The following COL4A2 variants were observed in gnomAD, a reference collection of about 807,000 sequenced individuals.
COL4A2 encodes the protein collagen type IV alpha 2 chain.
A neutral mutation model predicts 200.2 loss-of-function variants in COL4A2; 99 were observed. That is an observed-to-expected ratio of 0.49 (90% confidence interval 0.42 to 0.58). The LOEUF (loss-of-function observed/expected upper bound fraction) is 0.58, where lower values mean the gene tolerates loss of function less well. Among genes scored for constraint, COL4A2 ranks in the 20% least tolerant of loss-of-function variants. The pLI, the probability that COL4A2 is intolerant of heterozygous loss-of-function variation, is 0.00. For synonymous variants in COL4A2, 897 were observed against 900.6 expected (o/e 1.00, Z 0.07); for missense variants, 1,950 against 2,314.1 (o/e 0.84, Z 3.23).
chr13:110,381,273 T>C (rs955574433), intron 4 of COL4A2, among the ~76,000 whole-genome samples: 3 of 151,726 alleles, frequency 2.0e-5, no homozygotes, highest in African/African-American at 7.3e-5. Context: ...CCACGGACTC[T>C]ATCTCACGCC....
Position 110,478,032 on chromosome 13 carries a change from C to A in COL4A2, c.2455C>A (p.Leu819Met). Residue 819 changes from leucine to methionine, a missense_variant, in exon 30 of 48, where the codon CTG (leucine) becomes ATG (methionine). Leu to Met is a conservative substitution (Grantham distance 15). This residue lies in a region of COL4A2 where 1,385 missense variants were observed against 1,720.5 expected (regional missense o/e 0.80). Transcript: ENST00000360467. ...CCAAGGGATGCCTGGGATGCCAGGG[C>A]TGAAGGGCCAGCCAGGCCTCCCAGG... Reference protein sequence around the residue: ...GSQGMPGMPGLKGQPGLPGPS... With the variant: ...GSQGMPGMPGMKGQPGLPGPS... 1 of 1,587,122 alleles carries A rather than the reference C, an allele frequency of 6.3e-7. No individual in the cohort carries two copies. Among genetic ancestry groups the A allele is most frequent in the East Asian group, 2.3e-5 (1 of 43,998 alleles).
At chr13:110,326,789 GC>G in intron 3 of COL4A2, among the ~76,000 whole-genome samples, 1 of 152,246 alleles carries the variant, frequency 6.6e-6, no homozygotes, top group African/African-American at 2.4e-5. Context: ...GGTCAACCTG[GC>G]CCTCTGCTCG....
chr13:110,503,433 G>T lies in COL4A2; in HGVS notation c.4090G>T (p.Val1364Leu), dbSNP rs758319138. 33 of 1,588,270 alleles carry T rather than the reference G, an allele frequency of 2.1e-5. No individual in the cohort carries two copies. The highest frequency in any genetic ancestry group is 2.6e-5 in the Non-Finnish European group (30 of 1,166,758). ...FMGNTGPTGA[V>L]GDRGPKGPKG... ...GGGGAACACTGGACCCACTGGGGCG[G>T]TGGGCGACAGAGGCCCCAAGGGACC... The change falls in exon 43 of 48, where the codon GTG becomes TTG. Residue 1364 changes from valine to leucine, a missense_variant. Around this residue, in one of 2 missense-constraint regions of COL4A2, gnomAD observed 1,385 missense variants for 1,720.5 expected, o/e 0.80. Transcript: ENST00000360467.
intron 4 of COL4A2, among the ~76,000 whole-genome samples, chr13:110,398,804 G>C (rs1467689011): frequency 6.6e-6 from 1 of 152,154 alleles, no homozygotes; most frequent in Non-Finnish European, 1.5e-5. Context: ...CCCAGAGGCA[G>C]GGTGGAGTTG....
rs114401249 is a variant in COL4A2, at chr13:110,352,885, G to A, written c.100-4587G>A. Among the ~76,000 whole-genome samples the A allele has an allele frequency of 7.0e-3, 1,071 of 152,256 alleles. 9 individuals carry two copies. Among genetic ancestry groups the A allele is most frequent in the African/African-American group, 0.022 (917 of 41,540 alleles). On this transcript the variant is annotated intron_variant, in intron 3 of 47. Transcript: ENST00000360467. Reference sequence around the variant, plus strand: ...GACAACCACAGGAGTTTGGCCAGCCGGGCTGAACGGCTACAGCACGCCCCA... The same window carrying A: ...GACAACCACAGGAGTTTGGCCAGCCAGGCTGAACGGCTACAGCACGCCCCA...
intron 3 of COL4A2, among the ~76,000 whole-genome samples, chr13:110,337,523 C>CA (rs1423712653): frequency 6.6e-6 from 1 of 152,216 alleles, no homozygotes; most frequent in Non-Finnish European, 1.5e-5. Flanking sequence ...GGACCAGCGT[C>CA]AGAGGGCGGA....
intron 4 of COL4A2, among the ~76,000 whole-genome samples, chr13:110,358,076 C>A (rs889034756): frequency 1.3e-5 from 2 of 152,194 alleles, no homozygotes; most frequent in Admixed American, 1.3e-4. Flanking sequence ...ACTTTATAAA[C>A]TGTTAAACTT....
intron 22 of COL4A2, chr13:110,459,702 A>C (rs1193044571): frequency 6.6e-6 from 1 of 152,228 alleles, no homozygotes; most frequent in African/African-American, 2.4e-5. Flanking sequence ...ACTGAATTTT[A>C]TGCTTTAAAA....
At chr13:110,451,960 G>A (rs1176635301) in intron 20 of COL4A2, among the ~76,000 whole-genome samples, 1 of 152,226 alleles carries the variant, frequency 6.6e-6, no homozygotes, top group Admixed American at 6.5e-5. Flanking sequence ...TCTGTGTGAC[G>A]TTGACCAAAA....
intron 4 of COL4A2, among the ~76,000 whole-genome samples, chr13:110,407,475 A>G (rs1879615420): frequency 6.6e-6 from 1 of 152,246 alleles, no homozygotes. Context: ...CACACGCAGC[A>G]CCAGGAGGCC....
intron 12 of COL4A2, 33 bp downstream of exon 12, chr13:110,434,475 A>C: frequency 6.2e-7 from 1 of 1,604,448 alleles, no homozygotes; most frequent in Non-Finnish European, 8.5e-7. Context: ...CAGCAGAGGC[A>C]TGCAGCATTT....
At chr13:110,495,172 A>G (rs1176339366) in intron 39 of COL4A2, among the ~76,000 whole-genome samples, 170 bp from the exon 40 acceptor site, 3 of 152,198 alleles carry the variant, frequency 2.0e-5, no homozygotes, top group Non-Finnish European at 4.4e-5. Flanking sequence ...GATCCCTTCC[A>G]AATCTCAGCT....
At position 110,438,027 on chromosome 13, in the gene COL4A2, C is replaced by A; in HGVS notation, c.851C>A (p.Pro284Gln). The A allele has an allele frequency of 6.2e-7, 1 of 1,613,302 alleles. No homozygotes were observed. The highest frequency in any genetic ancestry group is 8.5e-7 in the Non-Finnish European group (1 of 1,179,458). The change falls in exon 14 of 48, where the codon CCA (proline) becomes CAA (glutamine). Residue 284 changes from proline to glutamine, a missense_variant. Physicochemically the swap from Pro to Gln is moderately conservative, Grantham distance 76. Around this residue, in one of 2 missense-constraint regions of COL4A2, gnomAD observed 565 missense variants for 593.5 expected, o/e 0.95. Transcript: ENST00000360467. ...GGTGAAAAAGGCAGTGAGGGGGAAC[C>A]AGGAATAAGAGTAAGTCGAGTAATG... ...YKGEKGSEGE[P>Q]GIRGISLKGE...
chr13:110,477,921 G>A (rs1882756929), intron 29 of COL4A2, 82 bp from the exon 30 acceptor site: 2 of 1,282,512 alleles, frequency 1.6e-6, no homozygotes, highest in Non-Finnish European at 2.0e-6. Flanking sequence ...TCTTTTTACA[G>A]AATGAGTGTG....
rs535015379 is a variant in COL4A2 at position 110,434,977 on chromosome 13, C to G, written c.726+535C>G. On this transcript the variant is annotated intron_variant, in intron 12 of 47. Coordinates refer to ENST00000360467, the MANE Select transcript of COL4A2 (RefSeq NM_001846.4). The stretch of plus-strand genomic sequence containing the variant: ...GCATGACAGGCTTAACGCAGCGCCA[C>G]ACCCCGCAAGCAAAACCTCACCAAC... 4.6e-5 allele frequency among the ~76,000 whole-genome samples: 7 copies of G among 152,356 alleles called. No individual in the cohort carries two copies. The South Asian group carries it at 1.5e-3, about 32-fold the overall frequency.
intron 3 of COL4A2, among the ~76,000 whole-genome samples, chr13:110,339,055 A>G (rs1221442834): frequency 1.3e-5 from 2 of 152,180 alleles, no homozygotes; most frequent in East Asian, 3.8e-4. Flanking sequence ...GACCTTCCCT[A>G]ACATCATTTC....
At chr13:110,316,107 T>G (rs1247280679) in intron 3 of COL4A2, among the ~76,000 whole-genome samples, 3 of 152,220 alleles carry the variant, frequency 2.0e-5, no homozygotes, top group African/African-American at 7.2e-5. Flanking sequence ...AGAATTCCTG[T>G]TTTGTTGCTT....
chr13:110,452,840 G>A (rs1881593536), intron 20 of COL4A2, among the ~76,000 whole-genome samples: 1 of 152,060 alleles, frequency 6.6e-6, no homozygotes, highest in Non-Finnish European at 1.5e-5. Flanking sequence ...TCTGCTCACT[G>A]CAACCTCCAC....
intron 3 of COL4A2, chr13:110,328,557 G>A (rs1875750063): frequency 1.3e-5 from 2 of 152,176 alleles, no homozygotes; most frequent in South Asian, 2.1e-4. Flanking sequence ...AGAAGAAATC[G>A]ATGGCTCAGA....
Sources: gnomAD v4.1 joint callset for allele counts (sites outside exome capture counted in the v4.1 genomes callset) on GRCh38, gnomAD v4.1.1 for gene constraint, gnomAD v4.1.1 regional missense constraint, MANE v1.5 for transcripts, NCBI Gene and HGNC (gene_info 2026-07-23, HGNC 2026-07-21) for gene names.